The following ZFPM2 variants were observed in gnomAD, a reference collection of about 807,000 sequenced individuals.
ZFPM2 encodes the protein zinc finger protein, FOG family member 2.
In ZFPM2, 20 loss-of-function variants were observed where a neutral mutation model predicts 98.6. That is an observed-to-expected ratio of 0.20 (90% CI 0.14 to 0.29). The LOEUF is 0.29. Among genes scored for constraint, ZFPM2 ranks in the 10% least tolerant of loss-of-function variants. The pLI is 1.00. For synonymous variants in ZFPM2, 518 were observed against 502.7 expected, an observed-to-expected ratio of 1.03 and a Z score of -0.41; for missense variants, 1,310 against 1,388.6, an observed-to-expected ratio of 0.94 and a Z score of 0.90.
At chr8:105,463,237 T>C (rs1812734743) in intron 3 of ZFPM2, among the ~76,000 whole-genome samples, 1 of 151,950 alleles carries the variant, frequency 6.6e-6, no homozygotes. Flanking sequence ...ACATTATAGG[T>C]AACTTTATAT....
intron 5 of ZFPM2, among the ~76,000 whole-genome samples, chr8:105,773,244 A>G (rs993346701): frequency 1.3e-5 from 2 of 152,190 alleles, no homozygotes; most frequent in Non-Finnish European, 2.9e-5. Context: ...GAAGAGAAGG[A>G]AAGGGCATCT....
chr8:105,351,820 C>T (rs549098633), intron 1 of ZFPM2, among the ~76,000 whole-genome samples: 1 of 150,558 alleles, frequency 6.6e-6, no homozygotes, highest in African/African-American at 2.4e-5. Context: ...GTCATTTTTC[C>T]CTTTGGAAAA....
intron 4 of ZFPM2, among the ~76,000 whole-genome samples, chr8:105,585,453 A>G (rs1381762291): frequency 1.3e-5 from 2 of 152,194 alleles, no homozygotes; most frequent in Non-Finnish European, 1.5e-5. Context: ...TTCAAATAGT[A>G]TATGTGCTCT....
chr8:105,352,170 G>T (rs1358301938), intron 1 of ZFPM2, among the ~76,000 whole-genome samples: 1 of 152,126 alleles, frequency 6.6e-6, no homozygotes, highest in Non-Finnish European at 1.5e-5. Flanking sequence ...CTAAGCCTTG[G>T]TTACAAAATA....
chr8:105,713,068 G>T (rs1343541577), intron 5 of ZFPM2, among the ~76,000 whole-genome samples: 3 of 152,040 alleles, frequency 2.0e-5, no homozygotes. Context: ...GGATTGCTGG[G>T]TTCAGTGGTA....
At chr8:105,365,591 A>G (rs1209559819) in intron 1 of ZFPM2, among the ~76,000 whole-genome samples, 1 of 152,208 alleles carries the variant, frequency 6.6e-6, no homozygotes, top group Non-Finnish European at 1.5e-5. Flanking sequence ...AATAAAATCA[A>G]CAAGCAGCAG....
intron 4 of ZFPM2, among the ~76,000 whole-genome samples, chr8:105,582,678 C>A (rs1202699392): frequency 1.3e-5 from 2 of 152,160 alleles, no homozygotes; most frequent in Admixed American, 1.3e-4. Flanking sequence ...ACTGCCACCT[C>A]CACCTCTCGG....
At chr8:105,534,740 A>G (rs1814413451) in intron 3 of ZFPM2, among the ~76,000 whole-genome samples, 1 of 152,166 alleles carries the variant, frequency 6.6e-6, no homozygotes, top group Admixed American at 6.6e-5. Context: ...ACAACCAGAC[A>G]TTTAAGAATT....
chr8:105,649,031 G>C (rs1156252628), intron 5 of ZFPM2, among the ~76,000 whole-genome samples: 1 of 152,102 alleles, frequency 6.6e-6, no homozygotes, highest in Non-Finnish European at 1.5e-5. Context: ...TCTTCCATTT[G>C]TTTGTGTCCT....
At chr8:105,783,992 G>T (rs1813338445) in intron 5 of ZFPM2, among the ~76,000 whole-genome samples, 1 of 152,062 alleles carries the variant, frequency 6.6e-6, no homozygotes, top group South Asian at 2.1e-4. Context: ...CCCTCCAGCA[G>T]TGCACAAGGG....
intron 4 of ZFPM2, among the ~76,000 whole-genome samples, chr8:105,594,394 G>A (rs1815918545): frequency 6.6e-6 from 1 of 152,076 alleles, no homozygotes; most frequent in Non-Finnish European, 1.5e-5. Context: ...TGGTAGCACT[G>A]TTGAAATGAT....
chr8:105,619,492 CTTAA>C (rs1207453520), intron 4 of ZFPM2, among the ~76,000 whole-genome samples: 2 of 151,740 alleles, frequency 1.3e-5, no homozygotes, highest in South Asian at 2.1e-4. Flanking sequence ...AATGAATATA[CTTAA>C]TTTATTTAAA....
At chr8:105,581,451 C>T (rs1563729244) in intron 4 of ZFPM2, among the ~76,000 whole-genome samples, 1 of 149,722 alleles carries the variant, frequency 6.7e-6, no homozygotes, top group African/African-American at 2.5e-5. Flanking sequence ...TAGAAACAAG[C>T]CTTTTCTATT....
chr8:105,411,253 CAAAG>C (rs1363235114), intron 1 of ZFPM2, among the ~76,000 whole-genome samples: 1 of 151,670 alleles, frequency 6.6e-6, no homozygotes, highest in Non-Finnish European at 1.5e-5. Flanking sequence ...AGAATTATAA[CAAAG>C]GAAGTAAGAA....
rs1437690980 is a variant in ZFPM2, at chr8:105,490,397, CTA to C, written c.301+46020_301+46021del. Among the ~76,000 whole-genome samples the C allele has an allele frequency of 2.6e-5, 4 of 152,048 alleles. No homozygotes were observed. The East Asian group carries it at 7.7e-4, about 29-fold the overall frequency. On this transcript the variant is annotated intron_variant, in intron 3 of 7. Transcript: ENST00000407775. ...TTCCATTTTTATAATTTTTTAAATG[CTA>C]TATGGAGTTATTTCTACATAAACAG...
chr8:105,537,362 T>C (rs1011465750), intron 3 of ZFPM2, among the ~76,000 whole-genome samples: 1 of 152,200 alleles, frequency 6.6e-6, no homozygotes, highest in Non-Finnish European at 1.5e-5. Context: ...AAATAAAAGT[T>C]AAGACAGCTT....
chr8:105,550,207 C>T (rs1025994451), intron 3 of ZFPM2, among the ~76,000 whole-genome samples: 1 of 152,046 alleles, frequency 6.6e-6, no homozygotes, highest in African/African-American at 2.4e-5. Flanking sequence ...TCTTTCCTAC[C>T]ACCTTACCTC....
intron 4 of ZFPM2, among the ~76,000 whole-genome samples, chr8:105,613,420 T>C (rs1307099302): frequency 1.3e-5 from 2 of 152,146 alleles, no homozygotes; most frequent in Non-Finnish European, 2.9e-5. Flanking sequence ...TGATGAATTT[T>C]AGTAAAGGAT....
intron 5 of ZFPM2, among the ~76,000 whole-genome samples, chr8:105,636,328 A>T (rs569739585): frequency 6.6e-6 from 1 of 152,292 alleles, no homozygotes; most frequent in South Asian, 2.1e-4. Context: ...AGTAATTAAT[A>T]GAAGCTTATT....
Sources: allele counts gnomAD v4.1 joint callset (sites outside exome capture counted in the v4.1 genomes callset), GRCh38; gene constraint gnomAD v4.1.1; transcripts MANE v1.5; gene names NCBI Gene and HGNC (gene_info 2026-07-23, HGNC 2026-07-21).